The following VPS53 variants were observed in gnomAD, a reference collection of about 807,000 sequenced individuals.
VPS53 encodes vacuolar protein sorting-associated protein 53 homolog.
In VPS53, 70 loss-of-function variants were observed where a neutral mutation model predicts 107.0. The observed-to-expected ratio is 0.65, with a 90% CI of 0.54 to 0.80. VPS53 has a LOEUF of 0.80. Ranked by LOEUF, VPS53 falls within the 30% of genes least tolerant of loss-of-function variation. The pLI is 0.00. For missense variants in VPS53, 917 were observed against 1,049.4 expected, an observed-to-expected ratio of 0.87 and a Z score of 1.74; for synonymous variants, 409 against 393.3, an observed-to-expected ratio of 1.04 and a Z score of -0.47.
chr17:544,846 G>A lies in VPS53; in HGVS notation c.1866+7026C>T, dbSNP rs531513875. 1.8e-4 allele frequency among the ~76,000 whole-genome samples: 28 copies of A among 152,218 alleles called. No individual in the cohort carries two copies. In the South Asian group the frequency reaches 3.1e-3, roughly 17 times the overall value. ...TGTAATTCCAGCATTTTGGGAGGCC[G>A]AGGTGGGAGGATCACTAGAGCTCAG... is the stretch of plus-strand genomic sequence containing the variant. On this transcript the variant is annotated intron_variant, in intron 17 of 21. Transcript: ENST00000437048.
intron 16 of VPS53, 55 bp downstream of exon 16, chr17:553,325 C>T: frequency 1.9e-6 from 3 of 1,551,024 alleles, no homozygotes; most frequent in Non-Finnish European, 2.7e-6. Flanking sequence ...GTGCTGCACG[C>T]TGCTGTGTAG....
chr17:629,804 A>C (rs1342259145), intron 8 of VPS53, among the ~76,000 whole-genome samples: 237 of 93,196 alleles, frequency 2.5e-3, no homozygotes, highest in Non-Finnish European at 4.3e-3. Flanking sequence ...AAAACAAAAA[A>C]AAAACCACAC....
chr17:577,665 G>A (rs1474600975), intron 13 of VPS53, among the ~76,000 whole-genome samples: 1 of 145,828 alleles, frequency 6.9e-6, no homozygotes, highest in African/African-American at 2.6e-5. Context: ...GCATTTCGAG[G>A]CAACCTCCCT....
intron 13 of VPS53, among the ~76,000 whole-genome samples, chr17:584,558 GTC>G (rs1183718505): frequency 1.3e-5 from 2 of 152,146 alleles, no homozygotes; most frequent in African/African-American, 4.8e-5. Flanking sequence ...TTGAGACGAA[GTC>G]TCTGTCACCA....
chr17:643,079 T>A (rs373949326), intron 7 of VPS53, among the ~76,000 whole-genome samples: 1 of 64,754 alleles, frequency 1.5e-5, no homozygotes, highest in East Asian at 4.0e-4. Context: ...ACTTGGCAAC[T>A]GAGGACAACA....
At chr17:544,157 G>A (rs1051234693) in intron 17 of VPS53, among the ~76,000 whole-genome samples, 2 of 152,156 alleles carry the variant, frequency 1.3e-5, no homozygotes, top group Admixed American at 6.5e-5. Flanking sequence ...CTTCTCCACT[G>A]TAGAAAAGTC....
At chr17:661,517 T>C (rs1275448531) in intron 5 of VPS53, among the ~76,000 whole-genome samples, 8 of 87,166 alleles carry the variant, frequency 9.2e-5, no homozygotes. Flanking sequence ...CAAGACTCCA[T>C]CTCAAAAAAA....
intron 9 of VPS53, 21 bp from the exon 10 acceptor site, chr17:627,337 A>G: frequency 1.2e-6 from 2 of 1,609,074 alleles, no homozygotes; most frequent in Middle Eastern, 1.7e-4. Context: ...TGGAGATCAA[A>G]AGCCACCCCA....
intron 7 of VPS53, among the ~76,000 whole-genome samples, chr17:632,030 T>C (rs1597406425): frequency 2.0e-5 from 3 of 152,148 alleles, no homozygotes; most frequent in South Asian, 4.1e-4. Context: ...AGAGGGTCGC[T>C]TGAGACCAGG....
chr17:707,646 C>T (rs1183062546), intron 2 of VPS53, among the ~76,000 whole-genome samples: 2 of 150,864 alleles, frequency 1.3e-5, no homozygotes, highest in African/African-American at 4.9e-5. Context: ...CTCAGGAGTT[C>T]GAGACCAGCC....
chr17:566,203 C>CAAAAAAAA (rs1003234136), intron 13 of VPS53, among the ~76,000 whole-genome samples: 1 of 57,306 alleles, frequency 1.7e-5, no homozygotes, highest in Non-Finnish European at 4.0e-5. Context: ...GACTCCGTCT[C>CAAAAAAAA]AAAAAAAAAA....
chr17:529,903 A>AGTAC (rs1263663388), intron 19 of VPS53, among the ~76,000 whole-genome samples: 1 of 151,146 alleles, frequency 6.6e-6, no homozygotes. Flanking sequence ...CAGGCATGGT[A>AGTAC]GTACATTCCT....
rs1221353533 is a variant in VPS53, at chr17:515,636, G to C, written c.*3492C>G. On this transcript the variant is annotated 3_prime_UTR_variant, in exon 22 of 22. Coordinates refer to ENST00000437048, the MANE Select transcript of VPS53 (RefSeq NM_001128159.3). ...AGCCTCTCAAAGCACTGGCATTACAGGTGTGATGCCACAGTACCCGGCCTA... is the reference window on the plus strand; with the variant it reads ...AGCCTCTCAAAGCACTGGCATTACACGTGTGATGCCACAGTACCCGGCCTA... 1 of 152,122 alleles carries C rather than the reference G, an allele frequency of 6.6e-6. No individual in the cohort carries two copies. Among genetic ancestry groups the C allele is most frequent in the Non-Finnish European group, 1.5e-5 (1 of 68,044 alleles). 9.4% of individuals were successfully genotyped at this position (152,122 alleles called of 1,614,324 possible).
intron 4 of VPS53, among the ~76,000 whole-genome samples, chr17:679,300 G>A (rs1972297265): frequency 6.6e-6 from 1 of 151,978 alleles, no homozygotes; most frequent in African/African-American, 2.4e-5. Context: ...CAGATCACGA[G>A]GTCAGGAGAT....
At position 610,127 on chromosome 17, in the gene VPS53, TCACACACACACACACACACACACA is replaced by T. The variant is rs200106767; in HGVS notation, c.1117-8255_1117-8232del. ...GCCTGGGCGACAGAGTGAGACTCCG[TCACACACACACACACACACACACA>T]CACACACACACACACACACACACAC... On this transcript the variant is annotated intron_variant, in intron 11 of 21. Transcript: ENST00000437048. 2.5e-4 allele frequency among the ~76,000 whole-genome samples: 33 copies of T among 134,608 alleles called. 1 individual carries two copies. The highest frequency in any genetic ancestry group is 5.8e-4 in the African/African-American group (20 of 34,520). 88.3% of individuals were successfully genotyped at this position (134,608 alleles called of 152,430 possible). A position where few individuals can be genotyped will look rare whatever the true frequency, so the allele number is the denominator to read the frequency against.
chr17:521,551 A>C (rs913128787), intron 20 of VPS53, 50 bp downstream of exon 20: 22 of 1,482,514 alleles, frequency 1.5e-5, no homozygotes, highest in Non-Finnish European at 2.0e-5. Context: ...AAGGCTTCTC[A>C]GAAAAAGAGA....
At chr17:698,602 C>T (rs1488462708) in intron 3 of VPS53, among the ~76,000 whole-genome samples, 2 of 151,634 alleles carry the variant, frequency 1.3e-5, no homozygotes, top group Non-Finnish European at 1.5e-5. Flanking sequence ...ACTCAGGAGG[C>T]TGAGGTGGGA....
intron 11 of VPS53, among the ~76,000 whole-genome samples, chr17:617,537 G>A (rs1969198947): frequency 6.6e-6 from 1 of 152,214 alleles, no homozygotes; most frequent in Non-Finnish European, 1.5e-5. Flanking sequence ...AGGTAGCTGG[G>A]ACTACAGGCG....
chr17:590,291 G>C (rs561357527), intron 12 of VPS53, among the ~76,000 whole-genome samples: 1 of 152,282 alleles, frequency 6.6e-6, no homozygotes, highest in South Asian at 2.1e-4. Context: ...AGATAATGGG[G>C]TTTTCTAGAT....
Sources: allele counts gnomAD v4.1 joint callset (sites outside exome capture counted in the v4.1 genomes callset), GRCh38; gene constraint gnomAD v4.1.1; transcripts MANE v1.5; gene names NCBI Gene and HGNC (gene_info 2026-07-23, HGNC 2026-07-21).